The following SPEF2 variants were observed in gnomAD, a reference collection of about 807,000 sequenced individuals.
SPEF2 encodes the protein sperm flagella and cilia-associated protein 2.
A neutral mutation model predicts 224.6 loss-of-function variants in SPEF2; 187 were observed. That is an observed-to-expected ratio of 0.83 (90% CI 0.74 to 0.94). The LOEUF is 0.94. SPEF2 is among the 40% of genes least tolerant of loss of function. The probability of loss-of-function intolerance (pLI) is 0.00; values close to 1 mark genes in which losing one functional copy is unlikely to be tolerated. For missense variants in SPEF2, 2,170 were observed against 2,135.6 expected, an observed-to-expected ratio of 1.02 and a Z score of -0.32; for synonymous variants, 715 against 707.3, an observed-to-expected ratio of 1.01 and a Z score of -0.17.
intron 16 of SPEF2, among the ~76,000 whole-genome samples, chr5:35,701,732 C>T (rs1230784890): frequency 1.3e-5 from 2 of 152,070 alleles, no homozygotes; most frequent in African/African-American, 4.8e-5. Context: ...AGACAATTTC[C>T]ACACTGTAAA....
chr5:35,679,231 C>T (rs757737343), intron 10 of SPEF2, among the ~76,000 whole-genome samples: 4 of 152,098 alleles, frequency 2.6e-5, no homozygotes, highest in Non-Finnish European at 4.4e-5. Context: ...CAGACCCAGC[C>T]GGAAGGTCAG....
chr5:35,727,547 C>A, intron 20 of SPEF2, 128 bp from the exon 21 acceptor site: 1 of 689,696 alleles, frequency 1.4e-6, no homozygotes, highest in Non-Finnish European at 2.3e-6. Context: ...TTGTAAGACT[C>A]CTCAAAAAAG....
intron 4 of SPEF2, among the ~76,000 whole-genome samples, chr5:35,645,994 G>A (rs1328438715): frequency 6.6e-6 from 1 of 152,046 alleles, no homozygotes; most frequent in African/African-American, 2.4e-5. Flanking sequence ...GTCATGATTA[G>A]TTTCACATAT....
intron 20 of SPEF2, among the ~76,000 whole-genome samples, chr5:35,714,834 C>A (rs779712050): frequency 1.3e-5 from 2 of 148,536 alleles, no homozygotes; most frequent in Admixed American, 1.4e-4. Flanking sequence ...TTTATCCATG[C>A]GACACTATCT....
At chr5:35,681,675 GTGA>G (rs1260776922) in intron 10 of SPEF2, among the ~76,000 whole-genome samples, 1 of 152,210 alleles carries the variant, frequency 6.6e-6, no homozygotes, top group African/African-American at 2.4e-5. Context: ...ATCACAAGTA[GTGA>G]TGATAAGGAT....
intron 5 of SPEF2, among the ~76,000 whole-genome samples, chr5:35,647,752 C>T (rs1003396369): frequency 3.3e-5 from 5 of 152,126 alleles, no homozygotes; most frequent in African/African-American, 1.2e-4. Flanking sequence ...TCGATTCCTC[C>T]TCATCATGCC....
At chr5:35,654,273 A>T (rs914395476) in intron 6 of SPEF2, among the ~76,000 whole-genome samples, 1 of 151,600 alleles carries the variant, frequency 6.6e-6, no homozygotes, top group Non-Finnish European at 1.5e-5. Flanking sequence ...AAAAAAAAAA[A>T]GGTGAAAGAA....
At chr5:35,682,747 T>C (rs1364138529) in intron 10 of SPEF2, among the ~76,000 whole-genome samples, 1 of 152,216 alleles carries the variant, frequency 6.6e-6, no homozygotes, top group Non-Finnish European at 1.5e-5. Context: ...AAGGCCCAGA[T>C]TCTGTTTATT....
At chr5:35,682,523 A>G (rs1752982823) in intron 10 of SPEF2, among the ~76,000 whole-genome samples, 1 of 152,222 alleles carries the variant, frequency 6.6e-6, no homozygotes, top group Non-Finnish European at 1.5e-5. Context: ...CAAATTGGGA[A>G]CATCTGGGAC....
chr5:35,813,373 T>C (rs1164602739), intron 36 of SPEF2, among the ~76,000 whole-genome samples: 1 of 152,058 alleles, frequency 6.6e-6, no homozygotes, highest in Non-Finnish European at 1.5e-5. Context: ...GTGCCTGTAG[T>C]CCCAGCTACT....
chr5:35,693,076 G>A (rs1418609569), intron 12 of SPEF2, among the ~76,000 whole-genome samples: 1 of 151,988 alleles, frequency 6.6e-6, no homozygotes, highest in Non-Finnish European at 1.5e-5. Flanking sequence ...TAGCTGGTAA[G>A]TGGGGGTGGG....
intron 28 of SPEF2, 76 bp downstream of exon 28, chr5:35,774,097 A>G (rs1753262328): frequency 6.5e-7 from 1 of 1,538,210 alleles, no homozygotes; most frequent in Non-Finnish European, 8.8e-7. Context: ...CAACTGGCTC[A>G]TCAATTGCCT....
chr5:35,794,075 A>T (rs1756330789), intron 32 of SPEF2, among the ~76,000 whole-genome samples: 1 of 152,232 alleles, frequency 6.6e-6, no homozygotes, highest in East Asian at 1.9e-4. Context: ...ATAAGTACAG[A>T]AGTTAGATGG....
At chr5:35,807,772 AG>A (rs1758259516) in intron 36 of SPEF2, 2 of 1,535,914 alleles carry the variant, frequency 1.3e-6, no homozygotes, top group South Asian at 2.4e-5. Flanking sequence ...AGCAGAAGAA[AG>A]GAAGAACTGC....
At chr5:35,785,486 G>T (rs1042931944) in intron 30 of SPEF2, among the ~76,000 whole-genome samples, 3 of 151,668 alleles carry the variant, frequency 2.0e-5, no homozygotes, top group Non-Finnish European at 4.4e-5. Context: ...ATCAATATTG[G>T]AAATTAAATT....
At chr5:35,793,900 A>AG (rs1311047265) in intron 32 of SPEF2, among the ~76,000 whole-genome samples, 1 of 152,254 alleles carries the variant, frequency 6.6e-6, no homozygotes, top group African/African-American at 2.4e-5. Context: ...CCCATACAGA[A>AG]GGGATCATGA....
chr5:35,783,595 G>C (rs1754648607), intron 30 of SPEF2, among the ~76,000 whole-genome samples: 6 of 152,080 alleles, frequency 3.9e-5, no homozygotes, highest in African/African-American at 1.4e-4. Flanking sequence ...TGTTAGCTTG[G>C]TTTCTTGAAG....
chr5:35,753,587 C>A (rs755676124), intron 23 of SPEF2, 37 bp from the exon 24 acceptor site: 1 of 1,612,778 alleles, frequency 6.2e-7, no homozygotes, highest in East Asian at 2.2e-5. Context: ...GAGCAGCAAT[C>A]TAAAGCATAG....
At chr5:35,643,413 A>T in intron 3 of SPEF2, 4 of 451,714 alleles carry the variant, frequency 8.9e-6, no homozygotes, top group South Asian at 6.3e-5. Flanking sequence ...GGTAACATAG[A>T]TTATTCTTTC....
Sources: allele counts gnomAD v4.1 joint callset (sites outside exome capture counted in the v4.1 genomes callset), GRCh38; gene constraint gnomAD v4.1.1; transcripts MANE v1.5; gene names NCBI Gene and HGNC (gene_info 2026-07-23, HGNC 2026-07-21).